Variants in TAFA5 observed in about 807,000 individuals in gnomAD.
The protein encoded by TAFA5 is chemokine-like protein TAFA-5.
A neutral mutation model predicts 15.3 loss-of-function variants in TAFA5; 6 were observed. The observed-to-expected ratio is 0.39, with a 90% confidence interval of 0.21 to 0.77. The LOEUF (loss-of-function observed/expected upper bound fraction) is 0.77. TAFA5 is among the 30% of genes least tolerant of loss of function. TAFA5 has a pLI of 0.41. For synonymous variants in TAFA5, 103 were observed against 80.7 expected, an observed-to-expected ratio of 1.28 and a Z score of -1.48; for missense variants, 161 against 193.1, an observed-to-expected ratio of 0.83 and a Z score of 0.98.
At chr22:48,675,335 C>T (rs1927938956) in intron 2 of TAFA5, among the ~76,000 whole-genome samples, 1 of 152,242 alleles carries the variant, frequency 6.6e-6, no homozygotes, top group Admixed American at 6.5e-5. Context: ...TGGCGGGGCC[C>T]CCGTCCAAAA....
chr22:48,732,849 T>A (rs2147268099), intron 3 of TAFA5, among the ~76,000 whole-genome samples: 1 of 152,302 alleles, frequency 6.6e-6, no homozygotes, highest in African/African-American at 2.4e-5. Flanking sequence ...ACCGCCCTGA[T>A]CAGTCAGCAG....
chr22:48,681,718 T>A (rs960665077), intron 2 of TAFA5, among the ~76,000 whole-genome samples: 1 of 151,984 alleles, frequency 6.6e-6, no homozygotes. Flanking sequence ...AGAGGCGCTT[T>A]CCCTGATTCT....
chr22:48,653,591 C>A (rs1029400762), intron 2 of TAFA5, among the ~76,000 whole-genome samples: 27 of 152,168 alleles, frequency 1.8e-4, no homozygotes, highest in Admixed American at 4.6e-4. Context: ...CCCAGTTTTA[C>A]CAGAAGGGAG....
intron 1 of TAFA5, among the ~76,000 whole-genome samples, chr22:48,534,764 G>A (rs909080506): frequency 6.6e-6 from 1 of 152,184 alleles, no homozygotes; most frequent in Admixed American, 6.5e-5. Context: ...CGGGCACCGC[G>A]GGCGCACCTG....
chr22:48,675,645 G>A (rs1264997970), intron 2 of TAFA5, among the ~76,000 whole-genome samples: 1 of 152,276 alleles, frequency 6.6e-6, no homozygotes, highest in Non-Finnish European at 1.5e-5. Context: ...TGCCGAGGTT[G>A]CTCTGACACC....
intron 2 of TAFA5, among the ~76,000 whole-genome samples, chr22:48,651,543 G>A (rs1298093838): frequency 6.6e-6 from 1 of 152,196 alleles, no homozygotes; most frequent in African/African-American, 2.4e-5. Flanking sequence ...CTGGGCAGAG[G>A]TATGGTGGCC....
At chr22:48,507,271 A>C (rs1360396523) in intron 1 of TAFA5, among the ~76,000 whole-genome samples, 1 of 117,394 alleles carries the variant, frequency 8.5e-6, no homozygotes, top group African/African-American at 3.6e-5. Context: ...GAGGAGAAGG[A>C]GACAGTCATC....
In TAFA5 at chr22:48,507,978, C is replaced by A. The variant is rs925713625; in HGVS notation, c.112+18274C>A. On this transcript the variant is annotated intron_variant, in intron 1 of 3. Coordinates refer to ENST00000402357, the MANE Select transcript of TAFA5 (RefSeq NM_001082967.3). ...TCATCTGTGCAGTGGGGAGAACCAT[C>A]GCCCAGCCCCTAGAGCCGCCCGCAT... Among the ~76,000 whole-genome samples, 4 of 152,182 alleles carry A rather than the reference C, an allele frequency of 2.6e-5. 1 individual carries two copies. In the East Asian group the frequency reaches 7.7e-4, roughly 29 times the overall value.
At chr22:48,541,966 G>A (rs1341181490) in intron 1 of TAFA5, among the ~76,000 whole-genome samples, 1 of 152,146 alleles carries the variant, frequency 6.6e-6, no homozygotes, top group Non-Finnish European at 1.5e-5. Flanking sequence ...CGAGTGCAGG[G>A]CCTGGGAGGC....
At chr22:48,602,095 C>T (rs529410532) in intron 1 of TAFA5, among the ~76,000 whole-genome samples, 8 of 152,280 alleles carry the variant, frequency 5.3e-5, no homozygotes, top group African/African-American at 1.7e-4. Context: ...CTGGGTGGTG[C>T]GAGAATGTGC....
In TAFA5 at chr22:48,646,785, G is replaced by A. The variant is rs534594587; in HGVS notation, c.262+39G>A. On this transcript the variant is annotated intron_variant, in intron 2 of 3. Transcript: ENST00000402357. ...GCCCCAGGACCCCTCCGGGTGCTGA[G>A]CGCGGCGTCACCAAAGGTGCCTCTT... The A allele has an allele frequency of 5.9e-6, 9 of 1,530,994 alleles. No homozygotes were observed. In the African/African-American group the frequency reaches 1.2e-4, roughly 21 times the overall value. 94.8% of individuals were successfully genotyped at this position (1,530,994 alleles called of 1,614,324 possible). A position where few individuals can be genotyped will look rare whatever the true frequency, so the allele number is the denominator to read the frequency against.
chr22:48,727,244 C>T (rs545732666), intron 3 of TAFA5, among the ~76,000 whole-genome samples: 2 of 152,168 alleles, frequency 1.3e-5, no homozygotes, highest in East Asian at 3.9e-4. Flanking sequence ...AGATTCACAG[C>T]ACTATTATTT....
chr22:48,684,385 A>G (rs1928289957), intron 2 of TAFA5, among the ~76,000 whole-genome samples: 2 of 152,098 alleles, frequency 1.3e-5, no homozygotes, highest in Admixed American at 6.5e-5. Flanking sequence ...TGGCCTTCCC[A>G]GGGAAGGGCG....
intron 1 of TAFA5, among the ~76,000 whole-genome samples, chr22:48,517,539 C>G (rs370546613): frequency 6.6e-6 from 1 of 152,174 alleles, no homozygotes; most frequent in Non-Finnish European, 1.5e-5. Context: ...GACCTGGCCC[C>G]GGGCTGTGGA....
At position 48,667,816 on chromosome 22, in the gene TAFA5, G is replaced by T. The variant is rs1375673970; in HGVS notation, c.262+21070G>T. 0.027 allele frequency among the ~76,000 whole-genome samples: 116 copies of T among 4,284 alleles called. No homozygotes were observed. In the East Asian group the frequency reaches 0.41, roughly 15 times the overall value. The allele number at this position is 4,284 out of a possible 152,430, so 2.8% of individuals were successfully genotyped here. On this transcript the variant is annotated intron_variant, in intron 2 of 3. Coordinates refer to ENST00000402357, the MANE Select transcript of TAFA5 (RefSeq NM_001082967.3). ...TCAGGACCGCGTCTTCACCGGGAGCGTTAATCCCCCAGCACTCAGGGCCGC... is the reference window on the plus strand; with the variant it reads ...TCAGGACCGCGTCTTCACCGGGAGCTTTAATCCCCCAGCACTCAGGGCCGC...
chr22:48,661,590 C>T (rs989520397), intron 2 of TAFA5, among the ~76,000 whole-genome samples: 3 of 152,150 alleles, frequency 2.0e-5, no homozygotes, highest in African/African-American at 4.8e-5. Flanking sequence ...GGCCTGGTCC[C>T]GCCCTATGGG....
At chr22:48,664,688 C>T (rs1332574111) in intron 2 of TAFA5, among the ~76,000 whole-genome samples, 6 of 152,152 alleles carry the variant, frequency 3.9e-5, no homozygotes, top group Admixed American at 6.5e-5. Flanking sequence ...CTCCCATCAA[C>T]GGAAGCAGGG....
intron 3 of TAFA5, among the ~76,000 whole-genome samples, chr22:48,737,326 G>A (rs994858031): frequency 3.9e-5 from 6 of 152,224 alleles, no homozygotes; most frequent in African/African-American, 4.8e-5. Flanking sequence ...CCCACAGCTC[G>A]AGGGCAGCGC....
At chr22:48,621,445 G>C (rs1198242098) in intron 1 of TAFA5, among the ~76,000 whole-genome samples, 2 of 152,012 alleles carry the variant, frequency 1.3e-5, no homozygotes, top group Non-Finnish European at 2.9e-5. Flanking sequence ...CATGGCACAG[G>C]AACCCCCATG....
Sources: gnomAD v4.1 joint callset for allele counts (sites outside exome capture counted in the v4.1 genomes callset) on GRCh38, gnomAD v4.1.1 for gene constraint, MANE v1.5 for transcripts, NCBI Gene and HGNC (gene_info 2026-07-23, HGNC 2026-07-21) for gene names.